ARK2C: variants seen among roughly 807,000 people sequenced by gnomAD.
The protein encoded by ARK2C is arkadia (RNF111) C-terminal like ring finger ubiquitin ligase 2C.
chr18:46,428,275 G>T, the ARK2C span, among the ~76,000 whole-genome samples: 3 of 152,180 alleles, frequency 2.0e-5, no homozygotes, highest in Non-Finnish European at 4.4e-5. Context: ...TGGGTGTGGT[G>T]GCAGGCGCCT....
the ARK2C span, among the ~76,000 whole-genome samples, chr18:46,351,152 C>T: frequency 6.6e-6 from 1 of 152,196 alleles, no homozygotes; most frequent in African/African-American, 2.4e-5. Flanking sequence ...GGGAGGAGGC[C>T]CTGGAAGATC....
the ARK2C span, among the ~76,000 whole-genome samples, chr18:46,437,848 C>G: frequency 1.3e-5 from 2 of 152,156 alleles, no homozygotes; most frequent in Non-Finnish European, 2.9e-5. Context: ...CAGCTGCAGC[C>G]CTGCCTAGGT....
the ARK2C span, among the ~76,000 whole-genome samples, chr18:46,401,830 G>T: frequency 6.6e-6 from 1 of 152,258 alleles, no homozygotes; most frequent in Non-Finnish European, 1.5e-5. Flanking sequence ...GGCACCTCTG[G>T]TGACCACATG....
At chr18:46,433,132 C>A in the ARK2C span, 2 of 1,373,120 alleles carry the variant, frequency 1.5e-6, no homozygotes, top group Non-Finnish European at 2.0e-6. Flanking sequence ...GCACAAGGGT[C>A]AGTGTGGCGG....
At chr18:46,350,453 G>A in the ARK2C span, among the ~76,000 whole-genome samples, 6 of 152,342 alleles carry the variant, frequency 3.9e-5, no homozygotes, top group Admixed American at 2.0e-4. Context: ...CATGTCAGTA[G>A]AGCATGAGAG....
At chr18:46,367,927 G>T in the ARK2C span, among the ~76,000 whole-genome samples, 1 of 152,198 alleles carries the variant, frequency 6.6e-6, no homozygotes, top group Non-Finnish European at 1.5e-5. Flanking sequence ...TGATTCTGAT[G>T]CCCAGTTACG....
At chr18:46,374,774 G>GC in the ARK2C span, among the ~76,000 whole-genome samples, 19 of 152,130 alleles carry the variant, frequency 1.2e-4, no homozygotes, top group African/African-American at 3.9e-4. Flanking sequence ...GAACTGGGGG[G>GC]GCTAGAGACC....
chr18:46,404,540 G>A, the ARK2C span, among the ~76,000 whole-genome samples: 1 of 152,144 alleles, frequency 6.6e-6, no homozygotes, highest in Non-Finnish European at 1.5e-5. Flanking sequence ...GATTATGTGA[G>A]GTCGGGAGGT....
At chr18:46,428,136 C>T in the ARK2C span, among the ~76,000 whole-genome samples, 10 of 151,646 alleles carry the variant, frequency 6.6e-5, no homozygotes, top group Non-Finnish European at 1.2e-4. Context: ...GGAGGCCGGG[C>T]GCAGTGGCTC....
At chr18:46,360,702 C>T in the ARK2C span, among the ~76,000 whole-genome samples, 2 of 152,320 alleles carry the variant, frequency 1.3e-5, no homozygotes, top group South Asian at 4.1e-4. Flanking sequence ...CCTGCCCTGC[C>T]CCTGGCCTGC....
the ARK2C span, among the ~76,000 whole-genome samples, chr18:46,444,638 AT>A: frequency 5.1e-3 from 707 of 138,942 alleles, 2 homozygotes; most frequent in East Asian, 6.2e-3. Flanking sequence ...TAATTTAAAC[AT>A]TTTTTTTTTT....
the ARK2C span, among the ~76,000 whole-genome samples, chr18:46,431,868 C>A: frequency 6.6e-6 from 1 of 152,216 alleles, no homozygotes; most frequent in African/African-American, 2.4e-5. Flanking sequence ...CAGCATTGTG[C>A]AGCAAGACTT....
the ARK2C span, among the ~76,000 whole-genome samples, chr18:46,437,127 C>T: frequency 1.4e-4 from 19 of 139,816 alleles, no homozygotes; most frequent in Admixed American, 6.5e-4. Context: ...AAGGAGGCTC[C>T]GGGAGGCTGG....
the ARK2C span, among the ~76,000 whole-genome samples, chr18:46,404,765 C>T: frequency 6.6e-6 from 1 of 151,648 alleles, no homozygotes; most frequent in Non-Finnish European, 1.5e-5. Flanking sequence ...AACACACACA[C>T]ACAAACACAC....
At chr18:46,402,508 CAT>C in the ARK2C span, among the ~76,000 whole-genome samples, 5 of 151,908 alleles carry the variant, frequency 3.3e-5, no homozygotes, top group Admixed American at 2.0e-4. Context: ...GGGCTTTCTA[CAT>C]GTGTGTGTTT....
At chr18:46,429,595 A>G in the ARK2C span, among the ~76,000 whole-genome samples, 1 of 152,204 alleles carries the variant, frequency 6.6e-6, no homozygotes, top group Non-Finnish European at 1.5e-5. Flanking sequence ...TGTTGAGCCA[A>G]GTATAACATC....
chr18:46,374,049 G>A, the ARK2C span, among the ~76,000 whole-genome samples: 1 of 152,028 alleles, frequency 6.6e-6, no homozygotes, highest in Non-Finnish European at 1.5e-5. Context: ...AGCATGAGCA[G>A]GGCCAGGCTG....
the ARK2C span, chr18:46,447,691 T>C: frequency 1.5e-5 from 25 of 1,613,870 alleles, no homozygotes; most frequent in Middle Eastern, 4.9e-4. Flanking sequence ...TCCACACAGA[T>C]GGTAAGTGAA....
the ARK2C span, among the ~76,000 whole-genome samples, chr18:46,359,384 G>A: frequency 2.0e-5 from 3 of 152,166 alleles, no homozygotes; most frequent in Non-Finnish European, 2.9e-5. Flanking sequence ...CCAGGGTCAG[G>A]CAAAGGCCTC....
Sources: gnomAD v4.1 joint callset for allele counts (sites outside exome capture counted in the v4.1 genomes callset) on GRCh38, gnomAD v4.1.1 for gene constraint, MANE v1.5 for transcripts, NCBI Gene and HGNC (gene_info 2026-07-23, HGNC 2026-07-21) for gene names.